The following C1orf52 variants were observed in gnomAD, a reference collection of about 807,000 sequenced individuals.
C1orf52 encodes chromosome 1 open reading frame 52.
C1orf52 carries 5 observed loss-of-function variants against 17.2 expected under a neutral mutation model. That is an observed-to-expected ratio of 0.29 (90% confidence interval 0.15 to 0.61). The LOEUF (loss-of-function observed/expected upper bound fraction) is 0.61, where lower values mean the gene tolerates loss of function less well. C1orf52 is among the 20% of genes least tolerant of loss of function. The pLI is 0.85. For missense variants in C1orf52, 245 were observed against 234.1 expected (o/e 1.05, Z -0.30); for synonymous variants, 110 against 88.0 (o/e 1.25, Z -1.40).
At chr1:85,255,567 C>G (rs1396762749) in intron 2 of C1orf52, among the ~76,000 whole-genome samples, 1 of 150,606 alleles carries the variant, frequency 6.6e-6, no homozygotes, top group East Asian at 1.9e-4. Context: ...AAAAAAAACC[C>G]GAAGGGCTGA....
At chr1:85,256,600 C>A (rs965608716) in intron 2 of C1orf52, among the ~76,000 whole-genome samples, 2 of 151,986 alleles carry the variant, frequency 1.3e-5, no homozygotes, top group Non-Finnish European at 2.9e-5. Flanking sequence ...GAGATCCAGA[C>A]CATCCTGGCT....
At chr1:85,253,832 G>A (rs1659860134) in intron 2 of C1orf52, among the ~76,000 whole-genome samples, 1 of 152,144 alleles carries the variant, frequency 6.6e-6, no homozygotes. Context: ...AAGCAAATGT[G>A]TGGTATTAAG....
chr1:85,255,654 C>T (rs1429253795), intron 2 of C1orf52, among the ~76,000 whole-genome samples: 1 of 151,582 alleles, frequency 6.6e-6, no homozygotes, highest in Non-Finnish European at 1.5e-5. Context: ...CGTTAACCGG[C>T]AATAAAAGGC....
chr1:85,257,382 A>G (rs1234763866), intron 2 of C1orf52: 1 of 685,432 alleles, frequency 1.5e-6, no homozygotes, highest in South Asian at 1.6e-5. Flanking sequence ...CTAGCCAGAG[A>G]TAAGAAAGAA....
In C1orf52 at chr1:85,252,670, G is replaced by C; in HGVS notation, c.508C>G (p.Arg170Gly). Residue 170 changes from arginine (R) to glycine (G), a missense_variant, in exon 3 of 3, where the codon CGC becomes GGC. Physicochemically the swap from Arg to Gly is moderately radical, Grantham distance 125. Transcript: ENST00000471115. ...DEKDEHTSKK[R>G]KVEPGEPAKK... ...GCTGGTTCTCCTGGCTCTACTTTGC[G>C]CTTTTTAGAAGTATGCTCATCTTTT... 1 of 1,613,084 alleles carries C rather than the reference G, an allele frequency of 6.2e-7. No individual in the cohort carries two copies. Among genetic ancestry groups the C allele is most frequent in the Non-Finnish European group, 8.5e-7 (1 of 1,179,452 alleles).
intron 2 of C1orf52, chr1:85,257,500 G>A (rs2100734243): frequency 1.4e-6 from 1 of 716,698 alleles, no homozygotes; most frequent in South Asian, 1.5e-5. Flanking sequence ...AAATGACTGT[G>A]GACAGGGAGA....
chr1:85,259,084 G>A, intron 1 of C1orf52: 1 of 1,354,760 alleles, frequency 7.4e-7, no homozygotes, highest in Non-Finnish European at 9.5e-7. Context: ...GGGCGGGGGA[G>A]TCACCACTGT....
chr1:85,255,036 G>A (rs1439377123), intron 2 of C1orf52, among the ~76,000 whole-genome samples: 2 of 151,908 alleles, frequency 1.3e-5, no homozygotes, highest in Non-Finnish European at 2.9e-5. Context: ...TTTTTTACTC[G>A]GTCTCATATA....
chr1:85,259,578 C>A lies in C1orf52; in HGVS notation c.56G>T (p.Ser19Ile), dbSNP rs1208748645. 3 of 1,605,498 alleles carry A rather than the reference C, an allele frequency of 1.9e-6. No homozygotes were observed. The highest frequency in any genetic ancestry group is 2.5e-6 in the Non-Finnish European group (3 of 1,176,622). ...ATCCTCCTCGTCCGAGGAGCCTGAG[C>A]TGCTGCTCCCGTATGCCGCAAAATA... is the stretch of plus-strand genomic sequence containing the variant. The part of the protein sequence containing the change: ...LSYFAAYGSS[S>I]SGSSDEEDNI... The change falls in exon 1 of 3, where the codon AGC (serine) becomes ATC (isoleucine). Residue 19 changes from serine to isoleucine, a missense_variant. Ser to Ile is a moderately radical substitution (Grantham distance 142). Coordinates refer to ENST00000471115, the MANE Select transcript of C1orf52 (RefSeq NM_198077.4).
chr1:85,256,646 A>C (rs572701457), intron 2 of C1orf52, among the ~76,000 whole-genome samples: 1 of 152,180 alleles, frequency 6.6e-6, no homozygotes, highest in African/African-American at 2.4e-5. Context: ...AAAAATACAA[A>C]AAATTAGCTG....
chr1:85,257,067 T>C (rs888481335), intron 2 of C1orf52, among the ~76,000 whole-genome samples: 1 of 152,226 alleles, frequency 6.6e-6, no homozygotes, highest in South Asian at 2.1e-4. Flanking sequence ...AAGTAGCCCT[T>C]GTATTGTGGG....
At chr1:85,258,135 AAAAAAAG>A (rs1426643879) in intron 2 of C1orf52, among the ~76,000 whole-genome samples, 6 of 152,040 alleles carry the variant, frequency 3.9e-5, no homozygotes, top group Non-Finnish European at 7.4e-5. Flanking sequence ...AAAAAGAAAA[AAAAAAAG>A]AAAAAGAAGA....
intron 2 of C1orf52, among the ~76,000 whole-genome samples, chr1:85,256,722 C>T (rs1659947839): frequency 6.8e-6 from 1 of 147,558 alleles, no homozygotes; most frequent in Admixed American, 6.9e-5. Flanking sequence ...TGGCGTGAAC[C>T]CGGGAGGCGG....
Position 85,252,421 on chromosome 1 carries a change from T to C in C1orf52, c.*208A>G. On this transcript the variant is annotated 3_prime_UTR_variant, in exon 3 of 3. Transcript: ENST00000471115. ...CATCCAAGTGTTATCAATTTCACAA[T>C]CACAAGTCACCAGTTGAGTTTTAAA... 2.1e-6 allele frequency: 1 copy of C among 486,578 alleles called. No homozygotes were observed. The highest frequency in any genetic ancestry group is 5.3e-4 in the Middle Eastern group (1 of 1,870). 30.1% of individuals were successfully genotyped at this position (486,578 alleles called of 1,614,324 possible).
At chr1:85,258,907 A>G in intron 1 of C1orf52, 185 bp from the exon 2 acceptor site, 1 of 1,428,802 alleles carries the variant, frequency 7.0e-7, no homozygotes, top group Non-Finnish European at 9.1e-7. Flanking sequence ...GGTTCCCTAT[A>G]TGAATAAAGC....
At chr1:85,256,874 T>G (rs1159412844) in intron 2 of C1orf52, among the ~76,000 whole-genome samples, 1 of 152,004 alleles carries the variant, frequency 6.6e-6, no homozygotes. Context: ...TTACATCATT[T>G]AAGGTCTGCA....
At chr1:85,259,195 G>C in intron 1 of C1orf52, 163 bp downstream of exon 1, 1 of 1,143,712 alleles carries the variant, frequency 8.7e-7, no homozygotes, top group Non-Finnish European at 1.2e-6. Context: ...CAGGCGGGGA[G>C]AGGGGGCCAG....
chr1:85,256,369 G>A (rs1659936820), intron 2 of C1orf52, among the ~76,000 whole-genome samples: 1 of 152,184 alleles, frequency 6.6e-6, no homozygotes, highest in Non-Finnish European at 1.5e-5. Flanking sequence ...CTGTGTGAAA[G>A]TGCCTATTTT....
chr1:85,258,562 G>A lies in C1orf52; in HGVS notation c.437C>T (p.Ala146Val). The stretch of plus-strand genomic sequence containing the variant: ...CTCCTCCCCTTCTGGTAGAAGCCTA[G>A]CTTTCTTAGCATTCTGTGGAGCATC... ...GDDAPQNAKK[A>V]RLLPEGEETL... The change falls in exon 2 of 3, where the codon GCT becomes GTT. Residue 146 changes from alanine to valine, a missense_variant. Transcript: ENST00000471115. 1 of 1,614,114 alleles carries A rather than the reference G, an allele frequency of 6.2e-7. No homozygotes were observed.
Sources: gnomAD v4.1 joint callset for allele counts (sites outside exome capture counted in the v4.1 genomes callset) on GRCh38, gnomAD v4.1.1 for gene constraint, MANE v1.5 for transcripts, NCBI Gene and HGNC (gene_info 2026-07-23, HGNC 2026-07-21) for gene names.